The following CCDC63 variants were observed in gnomAD, a reference collection of about 807,000 sequenced individuals.
CCDC63 encodes the protein coiled-coil domain containing 63.
Under a neutral mutation model 63.6 loss-of-function variants are expected in CCDC63, and 54 were observed. The ratio of observed to expected loss-of-function variants is 0.85; its 90% CI spans 0.68 to 1.07. The LOEUF (loss-of-function observed/expected upper bound fraction) is 1.07, where lower values mean the gene tolerates loss of function less well. CCDC63 is among the 50% of genes least tolerant of loss of function. The pLI is 0.00. For missense variants in CCDC63, 637 were observed against 689.6 expected (o/e 0.92, Z 0.86); for synonymous variants, 253 against 266.1 (o/e 0.95, Z 0.48).
Position 110,884,212 on chromosome 12 carries a change from G to A in CCDC63, c.1036G>A (p.Asp346Asn), listed in dbSNP as rs768564356. ...RFTYVTELNN[D>N]MEMMHKRTQR... ...CACGTATGTCACGGAGCTCAACAACGACATGGAGATGATGCACAAGAGGAC... is the reference window on the plus strand; with the variant it reads ...CACGTATGTCACGGAGCTCAACAACAACATGGAGATGATGCACAAGAGGAC... Residue 346 changes from aspartate (D) to asparagine (N), a missense_variant, in exon 8 of 12, where the codon GAC (aspartate) becomes AAC (asparagine). Coordinates refer to ENST00000308208, the MANE Select transcript of CCDC63 (RefSeq NM_152591.3). The A allele has an allele frequency of 1.5e-5, 25 of 1,614,070 alleles. No individual in the cohort carries two copies. Among genetic ancestry groups the A allele is most frequent in the South Asian group, 2.2e-5 (2 of 91,072 alleles).
chr12:110,902,775 T>C (rs2071504640), intron 10 of CCDC63, among the ~76,000 whole-genome samples: 1 of 152,106 alleles, frequency 6.6e-6, no homozygotes, highest in Non-Finnish European at 1.5e-5. Flanking sequence ...GGAAGTGCAG[T>C]GGCACAATCT....
At chr12:110,867,615 G>C in intron 4 of CCDC63, among the ~76,000 whole-genome samples, 1 of 129,500 alleles carries the variant, frequency 7.7e-6, no homozygotes. Context: ...GCGGCTGGCC[G>C]GGCAGAGGGG....
At chr12:110,897,502 G>A (rs1450933641) in intron 9 of CCDC63, among the ~76,000 whole-genome samples, 3 of 152,044 alleles carry the variant, frequency 2.0e-5, no homozygotes, top group Non-Finnish European at 1.5e-5. Flanking sequence ...TGAGGCTGAG[G>A]CAGGAGGATC....
chr12:110,902,843 G>A (rs1034601772), intron 10 of CCDC63, among the ~76,000 whole-genome samples: 5 of 150,048 alleles, frequency 3.3e-5, no homozygotes, highest in South Asian at 2.1e-4. Context: ...TCAGCTTCCC[G>A]AGTAGCTGGG....
chr12:110,883,215 T>G (rs1401811409), intron 7 of CCDC63, among the ~76,000 whole-genome samples: 1 of 152,098 alleles, frequency 6.6e-6, no homozygotes, highest in Non-Finnish European at 1.5e-5. Flanking sequence ...TTTTTGTATT[T>G]TTAGAAGAGA....
At chr12:110,869,756 C>T (rs2071039732) in intron 4 of CCDC63, among the ~76,000 whole-genome samples, 1 of 152,112 alleles carries the variant, frequency 6.6e-6, no homozygotes, top group Admixed American at 6.6e-5. Context: ...CCAGCCATGG[C>T]AGTGTAGATT....
At chr12:110,902,889 T>TA (rs1566142204) in intron 10 of CCDC63, among the ~76,000 whole-genome samples, 1 of 149,994 alleles carries the variant, frequency 6.7e-6, no homozygotes, top group Non-Finnish European at 1.5e-5. Context: ...GGCTAATTTT[T>TA]TTTTTTTTTT....
At chr12:110,901,321 T>C (rs2071484578) in intron 10 of CCDC63, among the ~76,000 whole-genome samples, 1 of 152,176 alleles carries the variant, frequency 6.6e-6, no homozygotes, top group Admixed American at 6.6e-5. Context: ...AAATGTACAA[T>C]TACATTATTT....
At chr12:110,906,572 C>G (rs2071587312) in intron 11 of CCDC63, among the ~76,000 whole-genome samples, 1 of 151,868 alleles carries the variant, frequency 6.6e-6, no homozygotes, top group South Asian at 2.1e-4. Context: ...AAAAGCTGCC[C>G]CCATTTCTCT....
At chr12:110,885,191 AG>A (rs1384795490) in intron 8 of CCDC63, among the ~76,000 whole-genome samples, 3 of 122,824 alleles carry the variant, frequency 2.4e-5, no homozygotes, top group Non-Finnish European at 3.4e-5. Context: ...AAAAAAAAAA[AG>A]AGAGAGAGAG....
Position 110,890,557 on chromosome 12 carries a change from C to T in CCDC63, c.1075-2519C>T, listed in dbSNP as rs146769225. On this transcript the variant is annotated intron_variant, in intron 8 of 11. Coordinates refer to ENST00000308208, the MANE Select transcript of CCDC63 (RefSeq NM_152591.3). ...AGTAAAAGTCACCAAGATATCATGACCTGGAGATAATTAACATTTTATTGA... is the reference window on the plus strand; with the variant it reads ...AGTAAAAGTCACCAAGATATCATGATCTGGAGATAATTAACATTTTATTGA... Among the ~76,000 whole-genome samples the T allele has an allele frequency of 9.5e-3, 1,438 of 152,040 alleles. 13 individuals carry two copies. Among genetic ancestry groups the T allele is most frequent in the Non-Finnish European group, 0.013 (895 of 68,004 alleles).
intron 4 of CCDC63, among the ~76,000 whole-genome samples, chr12:110,868,810 A>G (rs2071024024): frequency 6.7e-6 from 1 of 148,578 alleles, no homozygotes; most frequent in Non-Finnish European, 1.5e-5. Flanking sequence ...GGAGAGCTTA[A>G]GCCACTCTTT....
At position 110,881,113 on chromosome 12, in the gene CCDC63, A is replaced by G. The variant is rs1593675411; in HGVS notation, c.672-2A>G. The G allele has an allele frequency of 6.2e-7, 1 of 1,608,192 alleles. No homozygotes were observed. Among genetic ancestry groups the G allele is most frequent in the Non-Finnish European group, 8.5e-7 (1 of 1,177,862 alleles). On this transcript the variant is annotated splice_acceptor_variant, in intron 6 of 11. Coordinates refer to ENST00000308208, the MANE Select transcript of CCDC63 (RefSeq NM_152591.3). LOFTEE classifies it high-confidence loss of function. ...CTCAGGCTCTGTACTCCCTTTGCCCAGGGTGGAGGCCATGGCTCGAATGGC... is the reference window on the plus strand; with the variant it reads ...CTCAGGCTCTGTACTCCCTTTGCCCGGGGTGGAGGCCATGGCTCGAATGGC...
In CCDC63 at chr12:110,873,878, C is replaced by T; in HGVS notation, c.406C>T (p.Gln136Ter). ...GGAAAAAAAAATCGCAAACCAAAAA[C>T]AGATTTTCGCAAAAATGCAGGAGGC... ...QMEKKIANQK[Q>*]IFAKMQEANN... The change falls in exon 5 of 12, where the codon CAG (glutamine) becomes TAG (stop). Residue 136 changes from glutamine to a stop codon, truncating the protein, a stop_gained. Coordinates refer to ENST00000308208, the MANE Select transcript of CCDC63 (RefSeq NM_152591.3). LOFTEE classifies it high-confidence loss of function. 1.2e-6 allele frequency: 2 copies of T among 1,612,710 alleles called. No individual in the cohort carries two copies. Among genetic ancestry groups the T allele is most frequent in the Non-Finnish European group, 1.7e-6 (2 of 1,179,708 alleles).
At chr12:110,891,632 C>T (rs2071357783) in intron 8 of CCDC63, among the ~76,000 whole-genome samples, 1 of 75,014 alleles carries the variant, frequency 1.3e-5, no homozygotes, top group African/African-American at 6.7e-5. Context: ...GAGACCCTTT[C>T]TCAAAAAAAA....
intron 4 of CCDC63, among the ~76,000 whole-genome samples, chr12:110,866,971 G>T: frequency 6.9e-6 from 1 of 145,476 alleles, no homozygotes; most frequent in East Asian, 2.1e-4. Context: ...CTCCCTCCCG[G>T]ACGGGGCGGC....
intron 1 of CCDC63, among the ~76,000 whole-genome samples, chr12:110,848,231 TTA>T (rs1431876656): frequency 6.6e-6 from 1 of 152,170 alleles, no homozygotes; most frequent in Non-Finnish European, 1.5e-5. Flanking sequence ...TGACCCACAT[TTA>T]TGTTTTGAAA....
intron 2 of CCDC63, 116 bp from the exon 3 acceptor site, chr12:110,853,288 CT>C: frequency 9.9e-7 from 1 of 1,014,368 alleles, no homozygotes; most frequent in Non-Finnish European, 1.4e-6. Context: ...AAGGGAAGGT[CT>C]TCCACTTCTA....
chr12:110,878,293 C>CAT (rs2071157908), intron 5 of CCDC63, among the ~76,000 whole-genome samples: 2 of 151,952 alleles, frequency 1.3e-5, no homozygotes, highest in Non-Finnish European at 2.9e-5. Context: ...TAAGTATGTG[C>CAT]ATATATATAC....
Sources: gnomAD v4.1 joint callset for allele counts (sites outside exome capture counted in the v4.1 genomes callset) on GRCh38, gnomAD v4.1.1 for gene constraint, MANE v1.5 for transcripts, NCBI Gene and HGNC (gene_info 2026-07-23, HGNC 2026-07-21) for gene names.